Variants in TBL1X observed in about 807,000 individuals in gnomAD.
TBL1X encodes transducin beta like 1 X-linked.
In TBL1X, 10 loss-of-function variants were observed where a neutral mutation model predicts 50.7. That is an observed-to-expected ratio of 0.20 (90% CI 0.12 to 0.33). TBL1X has a LOEUF of 0.33. Among genes scored for constraint, TBL1X ranks in the 10% least tolerant of loss-of-function variants. The probability of loss-of-function intolerance (pLI) is 1.00; values close to 1 mark genes in which losing one functional copy is unlikely to be tolerated. For missense variants in TBL1X, 340 were observed against 504.4 expected (o/e 0.67, Z 3.12); for synonymous variants, 190 against 214.7 (o/e 0.88, Z 1.01).
intron 2 of TBL1X, among the ~76,000 whole-genome samples, chrX:9,612,573 C>A (rs1209417311): frequency 8.9e-6 from 1 of 112,027 alleles, no homozygotes; most frequent in Non-Finnish European, 1.9e-5. Flanking sequence ...AAAATGGCAT[C>A]ATTTCTACAA....
intron 2 of TBL1X, among the ~76,000 whole-genome samples, chrX:9,589,294 G>A (rs1382467884): frequency 1.8e-5 from 2 of 109,946 alleles, no homozygotes; most frequent in African/African-American, 6.7e-5. Flanking sequence ...CTGGAGTCCA[G>A]AAGTCCAAAG....
chrX:9,575,702 G>A (rs764223030), intron 2 of TBL1X, among the ~76,000 whole-genome samples: 1 of 112,075 alleles, frequency 8.9e-6, no homozygotes, highest in African/African-American at 3.3e-5. Context: ...CTTACTACAC[G>A]ATTGGCTAAC....
At chrX:9,667,947 TA>T (rs996523463) in intron 5 of TBL1X, among the ~76,000 whole-genome samples, 11 of 111,020 alleles carry the variant, frequency 9.9e-5, no homozygotes, top group South Asian at 7.5e-4. Flanking sequence ...GGTTATGTTT[TA>T]AAAAAAAATT....
At chrX:9,521,211 A>C (rs1383882689) in intron 2 of TBL1X, among the ~76,000 whole-genome samples, 1 of 111,939 alleles carries the variant, frequency 8.9e-6, no homozygotes, top group Admixed American at 9.5e-5. Flanking sequence ...GGAGCAGAAC[A>C]GATGGGAAGG....
At chrX:9,675,906 A>AG (rs1241448576) in intron 5 of TBL1X, among the ~76,000 whole-genome samples, 5 of 110,172 alleles carry the variant, frequency 4.5e-5, no homozygotes, top group African/African-American at 1.3e-4. Flanking sequence ...AAAAAAAAAA[A>AG]AAGAAGAAAG....
rs748109795 is a variant in TBL1X at position 9,688,139 on chromosome X, T to TGCGGCG, written c.492_497dup (p.Ala167_Ala168dup). On this transcript the variant is annotated inframe_insertion, in exon 7 of 18. Transcript: ENST00000645353. ...AGAAGCTCGCTCAGCAGCAAGCCAG[T>TGCGGCG]GCGGCGGCGGCGGCGGCTGCGGCCA... The TGCGGCG allele has an allele frequency of 3.7e-4, 440 of 1,201,708 alleles. 6 individuals are homozygous for TGCGGCG. The East Asian group carries it at 9.0e-3, about 24-fold the overall frequency.
At chrX:9,659,857 T>A (rs1326080580) in intron 5 of TBL1X, among the ~76,000 whole-genome samples, 2 of 112,412 alleles carry the variant, frequency 1.8e-5, no homozygotes, top group Non-Finnish European at 3.8e-5. Context: ...TGAAGTGTGA[T>A]TCTTCCTTTG....
At chrX:9,589,293 A>G (rs991984252) in intron 2 of TBL1X, among the ~76,000 whole-genome samples, 1 of 110,357 alleles carries the variant, frequency 9.1e-6, no homozygotes, top group African/African-American at 3.3e-5. Context: ...TCTGGAGTCC[A>G]GAAGTCCAAA....
chrX:9,541,935 CT>C (rs762125646), intron 2 of TBL1X, among the ~76,000 whole-genome samples: 5 of 104,578 alleles, frequency 4.8e-5, no homozygotes, highest in Non-Finnish European at 9.9e-5. Flanking sequence ...TTTTTCTTTT[CT>C]TTTTTCTTTT....
chrX:9,602,978 A>G (rs1005447804), intron 2 of TBL1X, among the ~76,000 whole-genome samples: 2 of 112,626 alleles, frequency 1.8e-5, no homozygotes, highest in African/African-American at 6.4e-5. Flanking sequence ...TAAATCATTG[A>G]ATGATACATT....
chrX:9,676,332 G>A (rs1413875020), intron 5 of TBL1X, among the ~76,000 whole-genome samples: 1 of 111,768 alleles, frequency 8.9e-6, no homozygotes, highest in African/African-American at 3.3e-5. Flanking sequence ...CCTAGCCGAG[G>A]CCCGTCCAAG....
chrX:9,669,374 C>G (rs921984552), intron 5 of TBL1X, among the ~76,000 whole-genome samples: 2 of 111,673 alleles, frequency 1.8e-5, no homozygotes, highest in African/African-American at 6.5e-5. Context: ...AGGAAACTGA[C>G]CTAAAAAGAA....
intron 2 of TBL1X, among the ~76,000 whole-genome samples, chrX:9,628,337 A>G (rs1277470988): frequency 8.9e-6 from 1 of 111,817 alleles, no homozygotes; most frequent in Non-Finnish European, 1.9e-5. Context: ...GGTGACCACC[A>G]TAAGTGTCTC....
At chrX:9,692,990 C>G (rs775010685) in intron 9 of TBL1X, among the ~76,000 whole-genome samples, 159 bp from the exon 10 acceptor site, 10 of 112,302 alleles carry the variant, frequency 8.9e-5, no homozygotes, top group Non-Finnish European at 1.3e-4. Context: ...CAAGGTCTTA[C>G]GATAGCTTTC....
intron 12 of TBL1X, among the ~76,000 whole-genome samples, chrX:9,703,348 C>T (rs1407875766): frequency 9.9e-6 from 1 of 101,455 alleles, no homozygotes; most frequent in African/African-American, 3.7e-5. Context: ...CGCCTCTTCC[C>T]CTGTGCCCTT....
At chrX:9,704,820 G>A (rs1010026010) in intron 12 of TBL1X, among the ~76,000 whole-genome samples, 173 bp from the exon 13 acceptor site, 4 of 112,120 alleles carry the variant, frequency 3.6e-5, no homozygotes, top group African/African-American at 6.5e-5. Flanking sequence ...TCTAGGCTGC[G>A]TTGAGCCATG....
Position 9,539,838 on chromosome X carries a change from C to T in TBL1X, c.-131+37989C>T, listed in dbSNP as rs373151034. 5.7e-4 allele frequency among the ~76,000 whole-genome samples: 64 copies of T among 112,066 alleles called. No homozygotes were observed. The East Asian group carries it at 0.016, about 28-fold the overall frequency. Reference sequence around the variant, plus strand: ...ACCCCCTTCATTATCAAGTCGTGGTCAGGGCATGCCCCACCAAATGCAAAC... The same window carrying T: ...ACCCCCTTCATTATCAAGTCGTGGTTAGGGCATGCCCCACCAAATGCAAAC... On this transcript the variant is annotated intron_variant, in intron 2 of 17. Coordinates refer to ENST00000645353, the MANE Select transcript of TBL1X (RefSeq NM_005647.4).
chrX:9,590,392 C>T (rs2082493988), intron 2 of TBL1X, among the ~76,000 whole-genome samples: 1 of 103,283 alleles, frequency 9.7e-6, no homozygotes, highest in African/African-American at 3.6e-5. Context: ...CAGATGAAAA[C>T]ACGAATAAGT....
intron 2 of TBL1X, among the ~76,000 whole-genome samples, chrX:9,519,595 C>G (rs1454158679): frequency 8.9e-6 from 1 of 112,138 alleles, no homozygotes; most frequent in African/African-American, 3.2e-5. Flanking sequence ...AGAGCACTGT[C>G]ATTTGAAAAT....
Sources: allele counts gnomAD v4.1 joint callset (sites outside exome capture counted in the v4.1 genomes callset), GRCh38; gene constraint gnomAD v4.1.1; transcripts MANE v1.5; gene names NCBI Gene and HGNC (gene_info 2026-07-23, HGNC 2026-07-21).